SH3GL2: variants seen among roughly 807,000 people sequenced by gnomAD.
SH3GL2 encodes the protein SH3 domain containing GRB2 like 2, endophilin A1.
In SH3GL2, 24 loss-of-function variants were observed where a neutral mutation model predicts 46.0. The observed-to-expected ratio is 0.52, with a 90% CI of 0.38 to 0.73. The LOEUF (loss-of-function observed/expected upper bound fraction) is 0.73. SH3GL2 is among the 30% of genes least tolerant of loss of function. SH3GL2 has a pLI of 0.00. For synonymous variants in SH3GL2, 196 were observed against 147.1 expected, an observed-to-expected ratio of 1.33 and a Z score of -2.40; for missense variants, 413 against 424.2, an observed-to-expected ratio of 0.97 and a Z score of 0.23.
chr9:17,671,112 G>C (rs1301042664), intron 1 of SH3GL2, among the ~76,000 whole-genome samples: 1 of 152,156 alleles, frequency 6.6e-6, no homozygotes, highest in African/African-American at 2.4e-5. Flanking sequence ...CATTATATCT[G>C]TACTGCTAAA....
intron 7 of SH3GL2, among the ~76,000 whole-genome samples, chr9:17,792,829 G>T (rs1260787607): frequency 1.3e-5 from 2 of 152,188 alleles, no homozygotes; most frequent in Non-Finnish European, 1.5e-5. Context: ...ATCTCTGACA[G>T]TGCTTACTAA....
chr9:17,789,910 C>A, intron 6 of SH3GL2: 1 of 308,546 alleles, frequency 3.2e-6, no homozygotes, highest in Non-Finnish European at 4.7e-6. Context: ...TTCTACTGAG[C>A]ACATATCAAT....
intron 1 of SH3GL2, among the ~76,000 whole-genome samples, chr9:17,740,493 A>ATTGTATTGTATTGTATTGTATTGTG (rs1359201740): frequency 1.3e-5 from 2 of 149,706 alleles, no homozygotes; most frequent in Non-Finnish European, 3.0e-5. Flanking sequence ...ATTGTATTGT[A>ATTGTATTGTATTGTATTGTATTGTG]TTTTTTAAAT....
intron 1 of SH3GL2, among the ~76,000 whole-genome samples, chr9:17,683,440 A>T (rs1367542175): frequency 6.6e-6 from 1 of 152,090 alleles, no homozygotes; most frequent in Non-Finnish European, 1.5e-5. Flanking sequence ...CTCTAGGCTC[A>T]GGGGACAGGT....
intron 1 of SH3GL2, among the ~76,000 whole-genome samples, chr9:17,674,159 C>G (rs1318918579): frequency 6.6e-6 from 1 of 152,188 alleles, no homozygotes; most frequent in African/African-American, 2.4e-5. Flanking sequence ...GTAACATGTT[C>G]TTTGTATTTA....
chr9:17,697,600 C>G (rs1156531259), intron 1 of SH3GL2, among the ~76,000 whole-genome samples: 1 of 152,142 alleles, frequency 6.6e-6, no homozygotes, highest in African/African-American at 2.4e-5. Flanking sequence ...CTGAGGAATG[C>G]AAAGCAACAT....
chr9:17,623,446 G>C (rs1419418137), intron 1 of SH3GL2, among the ~76,000 whole-genome samples: 2 of 152,084 alleles, frequency 1.3e-5, no homozygotes, highest in Admixed American at 1.3e-4. Context: ...ATCAATCTTA[G>C]GGAATGAATT....
In SH3GL2 at chr9:17,756,809, A is replaced by G. The variant is rs1447665901; in HGVS notation, c.115-4628A>G. ...ATACGTGTGCATGTGTCTTTATAGCAGCATGATTTATAATCCTTTGGGTAT... is the reference window on the plus strand; with the variant it reads ...ATACGTGTGCATGTGTCTTTATAGCGGCATGATTTATAATCCTTTGGGTAT... On this transcript the variant is annotated intron_variant, in intron 2 of 8. Transcript: ENST00000380607. Among the ~76,000 whole-genome samples the G allele has an allele frequency of 2.6e-5, 4 of 152,150 alleles. No individual in the cohort carries two copies. The East Asian group carries it at 7.7e-4, about 29-fold the overall frequency.
At chr9:17,604,851 C>T (rs969649900) in intron 1 of SH3GL2, among the ~76,000 whole-genome samples, 14 of 152,200 alleles carry the variant, frequency 9.2e-5, no homozygotes, top group African/African-American at 3.4e-4. Context: ...CTTTCTAGGG[C>T]CTCCTGAGAA....
Position 17,794,772 on chromosome 9 carries a change from T to C in SH3GL2, c.860-772T>C, listed in dbSNP as rs796082973. On this transcript the variant is annotated intron_variant, in intron 8 of 8. Coordinates refer to ENST00000380607, the MANE Select transcript of SH3GL2 (RefSeq NM_003026.5). Reference sequence around the variant, plus strand: ...TTATTTTACTCAAGGTGGAGTACATTATTTTTGTATGCCATAGCTCCAGTG... The same window carrying C: ...TTATTTTACTCAAGGTGGAGTACATCATTTTTGTATGCCATAGCTCCAGTG... Among the ~76,000 whole-genome samples the C allele has an allele frequency of 9.2e-5, 14 of 152,308 alleles. No individual in the cohort carries two copies. The East Asian group carries it at 2.3e-3, about 25-fold the overall frequency.
At chr9:17,755,403 G>A (rs146840470) in intron 2 of SH3GL2, among the ~76,000 whole-genome samples, 6 of 152,284 alleles carry the variant, frequency 3.9e-5, no homozygotes, top group African/African-American at 1.4e-4. Context: ...TTGTATTGAG[G>A]ATTTGCATCA....
intron 1 of SH3GL2, among the ~76,000 whole-genome samples, chr9:17,644,476 T>G (rs1273355922): frequency 6.6e-6 from 1 of 152,190 alleles, no homozygotes; most frequent in Non-Finnish European, 1.5e-5. Flanking sequence ...GTGCTATAAA[T>G]TTACCTGTAA....
chr9:17,722,522 T>A lies in SH3GL2; in HGVS notation c.46-24544T>A, dbSNP rs192370114. Among the ~76,000 whole-genome samples, 338 of 152,144 alleles carry A rather than the reference T, an allele frequency of 2.2e-3. 2 individuals are homozygous for A. The highest frequency in any genetic ancestry group is 7.3e-3 in the African/African-American group (305 of 41,542). On this transcript the variant is annotated intron_variant, in intron 1 of 8. Coordinates refer to ENST00000380607, the MANE Select transcript of SH3GL2 (RefSeq NM_003026.5). Reference sequence around the variant, plus strand: ...GTAAAATTTTTTTTTCTTATTTTTTTATTTTATTTTATCATTATTATACTT... The same window carrying A: ...GTAAAATTTTTTTTTCTTATTTTTTAATTTTATTTTATCATTATTATACTT...
intron 1 of SH3GL2, among the ~76,000 whole-genome samples, chr9:17,740,086 T>C (rs1385529396): frequency 6.6e-6 from 1 of 152,168 alleles, no homozygotes; most frequent in African/African-American, 2.4e-5. Flanking sequence ...TTGTTTTTTA[T>C]ATTATATAAA....
At chr9:17,602,307 C>T (rs959474438) in intron 1 of SH3GL2, among the ~76,000 whole-genome samples, 1 of 152,210 alleles carries the variant, frequency 6.6e-6, no homozygotes, top group Non-Finnish European at 1.5e-5. Context: ...GTCCAAAAGG[C>T]GAAAGTAATG....
chr9:17,625,165 C>T (rs963455440), intron 1 of SH3GL2, among the ~76,000 whole-genome samples: 31 of 152,104 alleles, frequency 2.0e-4, no homozygotes, highest in African/African-American at 7.5e-4. Context: ...CTCGTCTCAC[C>T]ATGCTCTGTA....
At chr9:17,661,251 C>G (rs1209113509) in intron 1 of SH3GL2, among the ~76,000 whole-genome samples, 1 of 152,144 alleles carries the variant, frequency 6.6e-6, no homozygotes, top group Non-Finnish European at 1.5e-5. Flanking sequence ...AATCTTTTAG[C>G]CCTGTGCTGT....
At chr9:17,751,535 C>T (rs1423562082) in intron 2 of SH3GL2, among the ~76,000 whole-genome samples, 1 of 150,704 alleles carries the variant, frequency 6.6e-6, no homozygotes. Context: ...ACTGAATTCC[C>T]TATCACTGCC....
At position 17,718,135 on chromosome 9, in the gene SH3GL2, A is replaced by G. The variant is rs979926146; in HGVS notation, c.46-28931A>G. Among the ~76,000 whole-genome samples the G allele has an allele frequency of 2.0e-5, 3 of 152,144 alleles. No individual in the cohort carries two copies. In the East Asian group the frequency reaches 5.8e-4, roughly 29 times the overall value. ...ACTGAGTAGGACTTTACAACTCCAG[A>G]TGGCAGTTGTAATACTTTAGCATTT... On this transcript the variant is annotated intron_variant, in intron 1 of 8. Transcript: ENST00000380607.
Sources: allele counts gnomAD v4.1 joint callset (sites outside exome capture counted in the v4.1 genomes callset), GRCh38; gene constraint gnomAD v4.1.1; transcripts MANE v1.5; gene names NCBI Gene and HGNC (gene_info 2026-07-23, HGNC 2026-07-21).